Variants in CD58 observed in about 807,000 individuals in gnomAD.
CD58 encodes CD58 molecule, also known as lymphocyte function-associated antigen 3.
A neutral mutation model predicts 27.6 loss-of-function variants in CD58; 14 were observed. The ratio of observed to expected loss-of-function variants is 0.51; its 90% CI spans 0.34 to 0.79. The LOEUF (loss-of-function observed/expected upper bound fraction) is 0.79, where lower values mean the gene tolerates loss of function less well. Among genes scored for constraint, CD58 ranks in the 30% least tolerant of loss-of-function variants. The pLI is 0.02. For missense variants in CD58, 268 were observed against 301.7 expected (o/e 0.89, Z 0.83); for synonymous variants, 117 against 103.8 (o/e 1.13, Z -0.77).
In CD58 at chr1:116,527,955, G is replaced by T. The variant is rs1040003962; in HGVS notation, c.629-5972C>A. On this transcript the variant is annotated intron_variant, in intron 3 of 5. Transcript: ENST00000369489. The surrounding 1 kb of genome is among the most constrained non-coding windows in gnomAD (Gnocchi z 4.4). ...CTTTTTAATTTTTAGTAGAGATAGG[G>T]TCTCCCTATGTTGCCCAGGCTGGTC... is the stretch of plus-strand genomic sequence containing the variant. 1.3e-5 allele frequency among the ~76,000 whole-genome samples: 2 copies of T among 152,170 alleles called. No individual in the cohort carries two copies. The highest frequency in any genetic ancestry group is 2.9e-5 in the Non-Finnish European group (2 of 68,034).
At chr1:116,514,962 G>A (rs1180496083) in intron 5 of CD58, 140 bp from the exon 6 acceptor site, 2 of 590,892 alleles carry the variant, frequency 3.4e-6, no homozygotes, top group Non-Finnish European at 6.1e-6. Flanking sequence ...CTAGGGAGCA[G>A]GGATGGAGGA....
At chr1:116,548,598 G>A (rs917231533) in intron 1 of CD58, among the ~76,000 whole-genome samples, 2 of 152,148 alleles carry the variant, frequency 1.3e-5, no homozygotes, top group African/African-American at 4.8e-5. Context: ...TAGAAAATAT[G>A]TGTTGTTTAT....
In CD58 at chr1:116,534,626, G is replaced by GGCCCCAA. The variant is rs1657729441; in HGVS notation, c.628+1332_628+1338dup. ...CCGGGTGCTGGGAGGGGCCGCTCCAGGCCCCAAGCCCCAGGCCCGCCGCGG... is the reference window on the plus strand; with the variant it reads ...CCGGGTGCTGGGAGGGGCCGCTCCAGGCCCCAAGCCCCAAGCCCCAGGCCCGCCGCGG... On this transcript the variant is annotated intron_variant, in intron 3 of 5. Coordinates refer to ENST00000369489, the MANE Select transcript of CD58 (RefSeq NM_001779.3). This position sits in a 1 kb window ranked among gnomAD's most constrained non-coding sequence, Gnocchi z 5.3. Among the ~76,000 whole-genome samples, 1 of 152,156 alleles carries GGCCCCAA rather than the reference G, an allele frequency of 6.6e-6. No homozygotes were observed. Among genetic ancestry groups the GGCCCCAA allele is most frequent in the Non-Finnish European group, 1.5e-5 (1 of 67,992 alleles).
intron 1 of CD58, among the ~76,000 whole-genome samples, chr1:116,562,523 T>A (rs1658789396): frequency 6.6e-6 from 1 of 152,132 alleles, no homozygotes; most frequent in Non-Finnish European, 1.5e-5. Flanking sequence ...TAGTCCATTC[T>A]CGCACTGCTA....
In CD58 at chr1:116,532,528, A is replaced by G. The variant is rs1344380538; in HGVS notation, c.628+3437T>C. ...TTCTTCAAATGAAAGGAAAGAATTC[A>G]GTCCAACTGCAGGAGTGGTAGGAGA... On this transcript the variant is annotated intron_variant, in intron 3 of 5. Coordinates refer to ENST00000369489, the MANE Select transcript of CD58 (RefSeq NM_001779.3). This position sits in a 1 kb window ranked among gnomAD's most constrained non-coding sequence, Gnocchi z 5.1. Among the ~76,000 whole-genome samples, 1 of 152,230 alleles carries G rather than the reference A, an allele frequency of 6.6e-6. No homozygotes were observed. The highest frequency in any genetic ancestry group is 1.5e-5 in the Non-Finnish European group (1 of 68,034).
At chr1:116,556,199 G>C (rs1355582323) in intron 1 of CD58, among the ~76,000 whole-genome samples, 1 of 149,606 alleles carries the variant, frequency 6.7e-6, no homozygotes, top group African/African-American at 2.5e-5. Context: ...AGGTTGCAGT[G>C]GCCAAGACTG....
At chr1:116,518,105 T>C (rs937826209) in intron 5 of CD58, among the ~76,000 whole-genome samples, 3 of 152,180 alleles carry the variant, frequency 2.0e-5, no homozygotes, top group Non-Finnish European at 2.9e-5. Context: ...GTCATTTCTA[T>C]ATTATCATTA....
intron 2 of CD58, among the ~76,000 whole-genome samples, chr1:116,540,818 T>C (rs1182473719): frequency 6.6e-6 from 1 of 152,198 alleles, no homozygotes; most frequent in Non-Finnish European, 1.5e-5. Context: ...TTTATTTAGC[T>C]AGTTATTTTG....
Position 116,570,911 on chromosome 1 carries a change from T to A in CD58, c.62A>T (p.His21Leu). The change falls in exon 1 of 6, where the codon CAC becomes CTC. Residue 21 changes from histidine (H) to leucine (L), a missense_variant. Physicochemically the swap from His to Leu is moderately conservative, Grantham distance 99. Transcript: ENST00000369489. This position sits in a 1 kb window ranked among gnomAD's most constrained non-coding sequence, Gnocchi z 6.4. ...LGVLSVVCLL[H>L]CFGFISCFSQ... Reference sequence around the variant, plus strand: ...GGGCAGGCTTCACTCACCAAAGCAGTGCAGCAGGCAGACCACGCTGAGGAC... The same window carrying A: ...GGGCAGGCTTCACTCACCAAAGCAGAGCAGCAGGCAGACCACGCTGAGGAC... 3 of 1,564,728 alleles carry A rather than the reference T, an allele frequency of 1.9e-6. No individual in the cohort carries two copies. In the South Asian group the frequency reaches 3.5e-5, roughly 18 times the overall value.
rs1483970740 is a variant in CD58, at chr1:116,546,637, C to T, written c.71-2033G>A. Reference sequence around the variant, plus strand: ...GTAGGTATGAGATAAACTGCCATACCCTGGCGGCATGAAGATGTCTTTTGT... The same window carrying T: ...GTAGGTATGAGATAAACTGCCATACTCTGGCGGCATGAAGATGTCTTTTGT... On this transcript the variant is annotated intron_variant, in intron 1 of 5. Coordinates refer to ENST00000369489, the MANE Select transcript of CD58 (RefSeq NM_001779.3). The surrounding 1 kb of genome is among the most constrained non-coding windows in gnomAD (Gnocchi z 4.1). Among the ~76,000 whole-genome samples, 1 of 152,030 alleles carries T rather than the reference C, an allele frequency of 6.6e-6. No individual in the cohort carries two copies. The highest frequency in any genetic ancestry group is 2.4e-5 in the African/African-American group (1 of 41,376).
chr1:116,536,194 C>T lies in CD58; in HGVS notation c.399G>A (p.Leu133=). 6.2e-7 allele frequency: 1 copy of T among 1,612,510 alleles called. No individual in the cohort carries two copies. Among genetic ancestry groups the T allele is most frequent in the Non-Finnish European group, 8.5e-7 (1 of 1,179,020 alleles). The change falls in exon 3 of 6, where the codon TTG becomes TTA. Residue 133 remains leucine, a synonymous_variant. Coordinates refer to ENST00000369489, the MANE Select transcript of CD58 (RefSeq NM_001779.3). This position sits in a 1 kb window ranked among gnomAD's most constrained non-coding sequence, Gnocchi z 5.4. ...SLPSPTLTCA[L]TNGSIEVQCM... Reference sequence around the variant, plus strand: ...ATTGGACTTCAATGCTTCCATTAGTCAATGCACAAGTTAGTGTGGGAGATG... The same window carrying T: ...ATTGGACTTCAATGCTTCCATTAGTTAATGCACAAGTTAGTGTGGGAGATG...
At chr1:116,562,457 G>A (rs1315840078) in intron 1 of CD58, among the ~76,000 whole-genome samples, 2 of 152,066 alleles carry the variant, frequency 1.3e-5, no homozygotes, top group Non-Finnish European at 2.9e-5. Context: ...TGAGTAGCTG[G>A]GACTACAGGC....
intron 1 of CD58, among the ~76,000 whole-genome samples, chr1:116,551,010 A>T (rs1210222150): frequency 6.6e-6 from 1 of 152,174 alleles, no homozygotes; most frequent in African/African-American, 2.4e-5. Context: ...ATATTCAGTA[A>T]ACCATGCTGT....
rs1659091299 is a variant in CD58, at chr1:116,570,156, G to T, written c.70+747C>A. Among the ~76,000 whole-genome samples, 1 of 152,200 alleles carries T rather than the reference G, an allele frequency of 6.6e-6. No individual in the cohort carries two copies. The highest frequency in any genetic ancestry group is 1.5e-5 in the Non-Finnish European group (1 of 68,038). ...GGGGTTTTGCTATGGCCTGACTGGG[G>T]CCAATGTGTGGAGGGTGAAGGAGGA... On this transcript the variant is annotated intron_variant, in intron 1 of 5. Transcript: ENST00000369489. The surrounding 1 kb of genome is among the most constrained non-coding windows in gnomAD (Gnocchi z 6.4).
Position 116,522,004 on chromosome 1 carries a change from G to T in CD58, c.629-21C>A, listed in dbSNP as rs775005078. 1.5e-6 allele frequency: 2 copies of T among 1,365,028 alleles called. No individual in the cohort carries two copies. Among genetic ancestry groups the T allele is most frequent in the Admixed American group, 3.8e-5 (2 of 53,092 alleles). The allele number at this position is 1,365,028 out of a possible 1,614,324, so 84.6% of individuals were successfully genotyped here. On this transcript the variant is annotated intron_variant, in intron 3 of 5. Transcript: ENST00000369489. The surrounding 1 kb of genome is among the most constrained non-coding windows in gnomAD (Gnocchi z 4.6). Reference sequence around the variant, plus strand: ...ATGACCTATAAAAAAGAAAAGAAAAGAAATTCAACTAGTTGAACTGATCAA... The same window carrying T: ...ATGACCTATAAAAAAGAAAAGAAAATAAATTCAACTAGTTGAACTGATCAA...
At position 116,516,634 on chromosome 1, in the gene CD58, A is replaced by T. The variant is rs1657089523; in HGVS notation, c.744-1812T>A. On this transcript the variant is annotated intron_variant, in intron 5 of 5. Transcript: ENST00000369489. The surrounding 1 kb of genome is among the most constrained non-coding windows in gnomAD (Gnocchi z 6.1). ...TCTCATGTATTTGCCTCCGCTGTTT[A>T]TCCCACCTGGAATGCCTTTTCTACT... Among the ~76,000 whole-genome samples the T allele has an allele frequency of 6.6e-6, 1 of 152,202 alleles. No homozygotes were observed. The highest frequency in any genetic ancestry group is 2.4e-5 in the African/African-American group (1 of 41,454).
Position 116,533,931 on chromosome 1 carries a change from G to A in CD58, c.628+2034C>T. 12 of 1,417,600 alleles carry A rather than the reference G, an allele frequency of 8.5e-6. No homozygotes were observed. In the Admixed American group the frequency reaches 2.0e-4, roughly 24 times the overall value. 87.8% of individuals were successfully genotyped at this position (1,417,600 alleles called of 1,614,324 possible). On this transcript the variant is annotated intron_variant, in intron 3 of 5. Transcript: ENST00000369489. ...CTGCTTTAGGTAAAGTTTCGATGTA[G>A]CTGGAAGGGGTGTGAGGGGCATTGT...
chr1:116,553,043 G>A (rs1209129129), intron 1 of CD58, among the ~76,000 whole-genome samples: 1 of 151,508 alleles, frequency 6.6e-6, no homozygotes, highest in Non-Finnish European at 1.5e-5. Flanking sequence ...ACATTTCATT[G>A]ATACTTGAAT....
At chr1:116,539,599 G>A (rs542158180) in intron 2 of CD58, among the ~76,000 whole-genome samples, 1 of 152,206 alleles carries the variant, frequency 6.6e-6, no homozygotes. Context: ...TATCTTCTAA[G>A]TTGCTAGAAC....
Sources: allele counts gnomAD v4.1 joint callset (sites outside exome capture counted in the v4.1 genomes callset), GRCh38; gene constraint gnomAD v4.1.1; non-coding constraint Gnocchi (gnomAD v3.1); transcripts MANE v1.5; gene names NCBI Gene and HGNC (gene_info 2026-07-23, HGNC 2026-07-21).